The following CTNNBL1 variants were observed in gnomAD, a reference collection of about 807,000 sequenced individuals.
CTNNBL1 encodes beta-catenin-like protein 1.
CTNNBL1 carries 31 observed loss-of-function variants against 72.7 expected under a neutral mutation model. The observed-to-expected ratio is 0.43, with a 90% confidence interval of 0.32 to 0.58. The LOEUF (loss-of-function observed/expected upper bound fraction) is 0.58. CTNNBL1 is among the 20% of genes least tolerant of loss of function. The probability of loss-of-function intolerance (pLI) is 0.08; values close to 1 mark genes in which losing one functional copy is unlikely to be tolerated. For missense variants in CTNNBL1, 534 were observed against 725.1 expected (o/e 0.74, Z 3.03); for synonymous variants, 240 against 267.3 (o/e 0.90, Z 1.00).
At chr20:37,697,488 G>T (rs1360996893) in intron 1 of CTNNBL1, among the ~76,000 whole-genome samples, 1 of 152,228 alleles carries the variant, frequency 6.6e-6, no homozygotes, top group Non-Finnish European at 1.5e-5. Context: ...GATCTATGTA[G>T]CTGAAACGGG....
intron 10 of CTNNBL1, among the ~76,000 whole-genome samples, chr20:37,781,570 A>T (rs1388475081): frequency 6.6e-6 from 1 of 152,184 alleles, no homozygotes; most frequent in Non-Finnish European, 1.5e-5. Flanking sequence ...TTAATTAGCT[A>T]TATTAGCAGA....
At chr20:37,851,033 T>G (rs972985750) in intron 13 of CTNNBL1, among the ~76,000 whole-genome samples, 2 of 152,184 alleles carry the variant, frequency 1.3e-5, no homozygotes, top group African/African-American at 2.4e-5. Context: ...GATTTAGTAG[T>G]GCTCCCAAGG....
chr20:37,807,023 G>GTTTGCC (rs1373672594), intron 11 of CTNNBL1, among the ~76,000 whole-genome samples: 1 of 152,102 alleles, frequency 6.6e-6, no homozygotes, highest in African/African-American at 2.4e-5. Flanking sequence ...ACACATCCTG[G>GTTTGCC]TTTGCCTCTT....
At chr20:37,776,629 A>T (rs1175347408) in intron 7 of CTNNBL1, among the ~76,000 whole-genome samples, 1 of 152,194 alleles carries the variant, frequency 6.6e-6, no homozygotes, top group East Asian at 1.9e-4. Context: ...TTTAAGTCTC[A>T]CTACCGAAGC....
chr20:37,855,799 G>A (rs914772756), intron 13 of CTNNBL1, among the ~76,000 whole-genome samples: 22 of 152,126 alleles, frequency 1.4e-4, no homozygotes, highest in African/African-American at 4.8e-4. Flanking sequence ...CCATCAGCTC[G>A]CCCTCCAAGG....
At chr20:37,728,699 C>T (rs1200519746) in intron 1 of CTNNBL1, among the ~76,000 whole-genome samples, 2 of 152,156 alleles carry the variant, frequency 1.3e-5, no homozygotes, top group African/African-American at 2.4e-5. Context: ...TAAAACATAT[C>T]AGGGCTTTTG....
At chr20:37,738,787 A>G (rs2073190584) in intron 3 of CTNNBL1, among the ~76,000 whole-genome samples, 1 of 152,206 alleles carries the variant, frequency 6.6e-6, no homozygotes, top group South Asian at 2.1e-4. Flanking sequence ...ATTCATTTTT[A>G]TTAGGCGGAA....
chr20:37,734,855 A>T (rs890835345), intron 2 of CTNNBL1, among the ~76,000 whole-genome samples: 5 of 152,158 alleles, frequency 3.3e-5, no homozygotes, highest in Admixed American at 2.0e-4. Context: ...CCAGTGTTGG[A>T]GAGAAATTAA....
At position 37,872,066 on chromosome 20, in the gene CTNNBL1, A is replaced by G; in HGVS notation, c.*53A>G. ...CTCTCTCAGCTTCCCTCCCAGGATC[A>G]GTTTCTACACAACTCTGTGTGGCTT... On this transcript the variant is annotated 3_prime_UTR_variant, in exon 16 of 16. Coordinates refer to ENST00000361383, the MANE Select transcript of CTNNBL1 (RefSeq NM_030877.5). 1.4e-6 allele frequency: 2 copies of G among 1,442,234 alleles called. No homozygotes were observed. The highest frequency in any genetic ancestry group is 2.3e-5 in the South Asian group (2 of 87,730). The allele number at this position is 1,442,234 out of a possible 1,614,324, so 89.3% of individuals were successfully genotyped here.
chr20:37,810,402 C>T (rs1000886141), intron 11 of CTNNBL1, among the ~76,000 whole-genome samples: 3 of 152,210 alleles, frequency 2.0e-5, no homozygotes, highest in East Asian at 1.9e-4. Flanking sequence ...CACCAGACTA[C>T]ATTAATCCCT....
At chr20:37,799,738 T>C (rs2073808190) in intron 10 of CTNNBL1, among the ~76,000 whole-genome samples, 1 of 152,236 alleles carries the variant, frequency 6.6e-6, no homozygotes, top group South Asian at 2.1e-4. Context: ...CAATAGTATA[T>C]GCCTTTTTTT....
chr20:37,799,033 A>G lies in CTNNBL1; in HGVS notation c.1032-3834A>G, dbSNP rs193285208. Reference sequence around the variant, plus strand: ...AATACAAAAAATCCCTTCGTACTGAATTTGGAGCCTTGTTTACCTGGCTCC... The same window carrying G: ...AATACAAAAAATCCCTTCGTACTGAGTTTGGAGCCTTGTTTACCTGGCTCC... On this transcript the variant is annotated intron_variant, in intron 10 of 15. Transcript: ENST00000361383. Among the ~76,000 whole-genome samples the G allele has an allele frequency of 9.0e-4, 137 of 152,322 alleles. 1 individual carries two copies. Among genetic ancestry groups the G allele is most frequent in the African/African-American group, 3.1e-3 (128 of 41,576 alleles).
intron 13 of CTNNBL1, 76 bp downstream of exon 13, chr20:37,842,495 C>T (rs1258991190): frequency 8.3e-6 from 8 of 961,864 alleles, no homozygotes; most frequent in Non-Finnish European, 1.4e-5. Flanking sequence ...TCCCATCACC[C>T]CACAGGATAG....
At chr20:37,698,025 G>T (rs1241779400) in intron 1 of CTNNBL1, among the ~76,000 whole-genome samples, 3 of 152,120 alleles carry the variant, frequency 2.0e-5, no homozygotes, top group Non-Finnish European at 2.9e-5. Context: ...GTAGATTGGG[G>T]TTGCCACAGG....
rs1434723559 is a variant in CTNNBL1 at position 37,694,081 on chromosome 20, G to C, written c.-42G>C. On this transcript the variant is annotated 5_prime_UTR_variant, in exon 1 of 16. Coordinates refer to ENST00000361383, the MANE Select transcript of CTNNBL1 (RefSeq NM_030877.5). ...CGCGGCTGACGGGCCCGCGGTCTGG[G>C]CGTGAGTGCAGGGAAGTGGAGTATT... is the stretch of plus-strand genomic sequence containing the variant. The C allele has an allele frequency of 4.4e-6, 7 of 1,597,600 alleles. No individual in the cohort carries two copies. Among genetic ancestry groups the C allele is most frequent in the Admixed American group, 3.5e-5 (2 of 57,280 alleles).
At chr20:37,861,452 G>A (rs2072490981) in intron 15 of CTNNBL1, among the ~76,000 whole-genome samples, 1 of 152,208 alleles carries the variant, frequency 6.6e-6, no homozygotes, top group African/African-American at 2.4e-5. Context: ...TTCCAGTACT[G>A]ACGATGCCGG....
intron 15 of CTNNBL1, among the ~76,000 whole-genome samples, chr20:37,861,970 A>G (rs2072495107): frequency 6.6e-6 from 1 of 152,198 alleles, no homozygotes; most frequent in Admixed American, 6.5e-5. Flanking sequence ...CAGCAGTGTG[A>G]GTGAAGGCAT....
At chr20:37,744,685 AAGG>A (rs1179593735) in intron 3 of CTNNBL1, 2 of 152,126 alleles carry the variant, frequency 1.3e-5, no homozygotes, top group Admixed American at 1.3e-4. Flanking sequence ...TGCCATGGAG[AAGG>A]AGAAGGACCC....
At chr20:37,695,769 A>C (rs1307833539) in intron 1 of CTNNBL1, among the ~76,000 whole-genome samples, 1 of 152,232 alleles carries the variant, frequency 6.6e-6, no homozygotes, top group African/African-American at 2.4e-5. Flanking sequence ...CAGTGACGGT[A>C]GCTGCCTCAC....
Sources: allele counts gnomAD v4.1 joint callset (sites outside exome capture counted in the v4.1 genomes callset), GRCh38; gene constraint gnomAD v4.1.1; transcripts MANE v1.5; gene names NCBI Gene and HGNC (gene_info 2026-07-23, HGNC 2026-07-21).